PARP4: variants seen among roughly 807,000 people sequenced by gnomAD.
PARP4 encodes the protein poly(ADP-ribose) polymerase family member 4.
A neutral mutation model predicts 187.7 loss-of-function variants in PARP4; 120 were observed. The observed-to-expected ratio is 0.64, with a 90% CI of 0.55 to 0.74. The LOEUF (loss-of-function observed/expected upper bound fraction) is 0.74. Ranked by LOEUF, PARP4 falls within the 30% of genes least tolerant of loss-of-function variation. The pLI, the probability that PARP4 is intolerant of heterozygous loss-of-function variation, is 0.00. For synonymous variants in PARP4, 654 were observed against 740.9 expected (o/e 0.88, Z 1.90); for missense variants, 1,836 against 2,070.5 (o/e 0.89, Z 2.20).
chr13:24,501,422 T>C (rs1004151533), intron 3 of PARP4, among the ~76,000 whole-genome samples: 2 of 152,220 alleles, frequency 1.3e-5, no homozygotes, highest in African/African-American at 4.8e-5. Flanking sequence ...CCATTTTGAG[T>C]CTGACCCTAC....
Position 24,443,452 on chromosome 13 carries a change from T to C in PARP4, c.3447+198A>G, listed in dbSNP as rs7336357. 0.39 allele frequency among the ~76,000 whole-genome samples: 59,276 copies of C among 150,600 alleles called. 11,890 individuals carry two copies. Among genetic ancestry groups the C allele is most frequent in the African/African-American group, 0.46 (18,749 of 40,942 alleles). ...ATTTTCTGGAAACCACTGACATCCA[T>C]CCTTTTGTTAATTCATTCAACAAAC... On this transcript the variant is annotated intron_variant, in intron 28 of 33. Coordinates refer to ENST00000381989, the MANE Select transcript of PARP4 (RefSeq NM_006437.4).
In PARP4 at chr13:24,421,201, G is replaced by A. The variant is rs1035743094; in HGVS notation, c.5093C>T (p.Ser1698Phe). The A allele has an allele frequency of 5.3e-5, 76 of 1,438,058 alleles. No individual in the cohort carries two copies. The highest frequency in any genetic ancestry group is 3.1e-4 in the Admixed American group (13 of 41,438). The allele number at this position is 1,438,058 out of a possible 1,614,324, so 89.1% of individuals were successfully genotyped here. The change falls in exon 34 of 34, where the codon TCT (serine) becomes TTT (phenylalanine). Residue 1698 changes from serine to phenylalanine, a missense_variant. Physicochemically the swap from Ser to Phe is radical, Grantham distance 155. This residue lies in a region of PARP4 where 29 missense variants were observed against 81.3 expected (regional missense o/e 0.36). Coordinates refer to ENST00000381989, the MANE Select transcript of PARP4 (RefSeq NM_006437.4). Reference protein sequence around the residue: ...PRLELGNDWDSATKQLLGLQP... With the variant: ...PRLELGNDWDFATKQLLGLQP... ...GAGTCCCAGCAACTGCTTGGTGGCA[G>A]AGTCCCAGTCGTTCCCCAGTTCAAG...
chr13:24,488,525 T>G (rs1320636785), intron 10 of PARP4, among the ~76,000 whole-genome samples: 2 of 152,086 alleles, frequency 1.3e-5, no homozygotes, highest in African/African-American at 4.8e-5. Flanking sequence ...GGCTAATTTT[T>G]GTATTTTTAG....
chr13:24,432,222 A>C (rs779606206), intron 31 of PARP4, among the ~76,000 whole-genome samples: 2 of 152,144 alleles, frequency 1.3e-5, no homozygotes, highest in Non-Finnish European at 2.9e-5. Context: ...CAACATTTCA[A>C]ATATTTTCTT....
chr13:24,501,090 G>A (rs572696293), intron 3 of PARP4, among the ~76,000 whole-genome samples: 24 of 152,240 alleles, frequency 1.6e-4, no homozygotes, highest in African/African-American at 5.1e-4. Flanking sequence ...AAGTCAGTAC[G>A]GTATCTAACA....
chr13:24,423,455 T>G (rs1869847502), intron 33 of PARP4, among the ~76,000 whole-genome samples: 1 of 151,656 alleles, frequency 6.6e-6, no homozygotes, highest in African/African-American at 2.4e-5. Context: ...TGCTTGAAAC[T>G]GGGAGGTGGA....
chr13:24,478,124 G>A lies in PARP4; in HGVS notation c.1601C>T (p.Ser534Leu), dbSNP rs371192720. The A allele has an allele frequency of 8.1e-6, 13 of 1,607,698 alleles. No homozygotes were observed. Among genetic ancestry groups the A allele is most frequent in the Non-Finnish European group, 1.0e-5 (12 of 1,176,748 alleles). Residue 534 changes from serine (S) to leucine (L), a missense_variant, in exon 13 of 34, where the codon TCG becomes TTG. This residue lies in a region of PARP4 where 1,147 missense variants were observed against 1,214.2 expected (regional missense o/e 0.94). Transcript: ENST00000381989. ...PPGYDSVHGV[S>L]QTASVTTDFE... The stretch of plus-strand genomic sequence containing the variant: ...GTCTGTGGTGACAGAGGCTGTTTGC[G>A]AAACTCCATGCACACTGTCGTAGCC...
intron 11 of PARP4, 45 bp from the exon 12 acceptor site, chr13:24,484,793 G>C: frequency 7.9e-7 from 1 of 1,261,600 alleles, no homozygotes. Flanking sequence ...AACACTGACT[G>C]CATCTCTTCC....
chr13:24,487,817 C>T (rs114564948), intron 10 of PARP4, among the ~76,000 whole-genome samples: 12,018 of 151,960 alleles, frequency 0.079, 411 homozygotes, highest in African/African-American at 0.11. Context: ...CCAGCACACC[C>T]CCGGGTGAGC....
intron 1 of PARP4, 97 bp from the exon 2 acceptor site, chr13:24,503,874 A>T: frequency 9.7e-7 from 1 of 1,033,850 alleles, no homozygotes; most frequent in Non-Finnish European, 1.5e-6. Context: ...ATTGGGCATT[A>T]TCTTAAGAAA....
Position 24,475,423 on chromosome 13 carries a change from T to A in PARP4, c.1914+49A>T, listed in dbSNP as rs748455505. ...GCAACTGCAATCAAATTCTCATGTA[T>A]GGTTTACATCCATGTAGTTTAAGTG... On this transcript the variant is annotated intron_variant, in intron 15 of 33. Coordinates refer to ENST00000381989, the MANE Select transcript of PARP4 (RefSeq NM_006437.4). The A allele has an allele frequency of 6.5e-6, 10 of 1,527,636 alleles. No individual in the cohort carries two copies. In the East Asian group the frequency reaches 2.3e-4, roughly 35 times the overall value. The allele number at this position is 1,527,636 out of a possible 1,614,324, so 94.6% of individuals were successfully genotyped here. A position where few individuals can be genotyped will look rare whatever the true frequency, so the allele number is the denominator to read the frequency against.
At position 24,475,371 on chromosome 13, in the gene PARP4, G is replaced by T. The variant is rs1872932380; in HGVS notation, c.1914+101C>A. ...TATCTCTTGAATAAAATACATTTTA[G>T]AAATCTATCTATTCCCTTCAGTTCA... On this transcript the variant is annotated intron_variant, in intron 15 of 33. Transcript: ENST00000381989. The T allele has an allele frequency of 2.8e-5, 31 of 1,122,658 alleles. No individual in the cohort carries two copies. The South Asian group carries it at 3.9e-4, about 14-fold the overall frequency. The allele number at this position is 1,122,658 out of a possible 1,614,324, so 69.5% of individuals were successfully genotyped here.
Position 24,469,958 on chromosome 13 carries a change from A to G in PARP4, c.1982T>C (p.Leu661Ser), listed in dbSNP as rs1337126045. ...VPIEAKYIFPLDDKAAVCGFE... is the reference protein window; with the variant it reads ...VPIEAKYIFPSDDKAAVCGFE... ...GCCACACACAGCGGCCTTGTCATCC[A>G]AAGGAAAGATATATTTTGCCTCAAT... The change falls in exon 16 of 34, where the codon TTG becomes TCG. Residue 661 changes from leucine (L) to serine (S), a missense_variant. Leu to Ser is a moderately radical substitution (Grantham distance 145). Transcript: ENST00000381989. The G allele has an allele frequency of 6.2e-7, 1 of 1,613,886 alleles. No homozygotes were observed. Among genetic ancestry groups the G allele is most frequent in the South Asian group, 1.1e-5 (1 of 91,066 alleles).
chr13:24,458,956 T>C, intron 20 of PARP4, 88 bp downstream of exon 20: 2 of 910,408 alleles, frequency 2.2e-6, no homozygotes, highest in Non-Finnish European at 3.5e-6. Flanking sequence ...CAGCATTATT[T>C]CACTTTTCAA....
At chr13:24,487,464 G>A (rs1873627250) in intron 10 of PARP4, among the ~76,000 whole-genome samples, 1 of 152,132 alleles carries the variant, frequency 6.6e-6, no homozygotes, top group African/African-American at 2.4e-5. Flanking sequence ...GGACACTGTA[G>A]ACAGGATAAC....
At chr13:24,506,166 G>A (rs1293243472) in intron 1 of PARP4, among the ~76,000 whole-genome samples, 1 of 152,070 alleles carries the variant, frequency 6.6e-6, no homozygotes, top group Non-Finnish European at 1.5e-5. Context: ...TGGTCTCACT[G>A]ACATCAAGTA....
intron 17 of PARP4, among the ~76,000 whole-genome samples, chr13:24,468,461 A>G (rs1593622309): frequency 6.8e-6 from 1 of 146,642 alleles, no homozygotes; most frequent in African/African-American, 2.5e-5. Flanking sequence ...CTGGAGTGCA[A>G]TGGCACAATT....
rs746146052 is a variant in PARP4, at chr13:24,475,566, C to T, written c.1820G>A (p.Ser607Asn). ...DYQLPDAKTS[S>N]STKAGLQDAS... ...ATCCTGGAGGCCGGCCTTGGTGCTG[C>T]TGGAAGTTTTGGCATCTGGTAACTG... is the stretch of plus-strand genomic sequence containing the variant. Residue 607 changes from serine (S) to asparagine (N), a missense_variant, in exon 15 of 34, where the codon AGC becomes AAC. Ser to Asn is a conservative substitution (Grantham distance 46). Transcript: ENST00000381989. The T allele has an allele frequency of 6.2e-7, 1 of 1,614,126 alleles. No individual in the cohort carries two copies. Among genetic ancestry groups the T allele is most frequent in the Admixed American group, 1.7e-5 (1 of 60,016 alleles).
At chr13:24,447,878 T>C (rs546748086) in intron 25 of PARP4, among the ~76,000 whole-genome samples, 120 of 152,334 alleles carry the variant, frequency 7.9e-4, no homozygotes, top group African/African-American at 2.8e-3. Context: ...CACGGTGAGA[T>C]CCCATTTCAC....
Sources: gnomAD v4.1 joint callset for allele counts (sites outside exome capture counted in the v4.1 genomes callset) on GRCh38, gnomAD v4.1.1 for gene constraint, gnomAD v4.1.1 regional missense constraint, MANE v1.5 for transcripts, NCBI Gene and HGNC (gene_info 2026-07-23, HGNC 2026-07-21) for gene names.